VIPR1: variants seen among roughly 807,000 people sequenced by gnomAD.
The protein encoded by VIPR1 is vasoactive intestinal peptide receptor 1.
A neutral mutation model predicts 58.8 loss-of-function variants in VIPR1; 59 were observed. The ratio of observed to expected loss-of-function variants is 1.00; its 90% confidence interval spans 0.81 to 1.25. The LOEUF is 1.25. VIPR1 is among the 50% of genes most tolerant of loss of function. VIPR1 has a pLI of 0.00. For synonymous variants in VIPR1, 251 were observed against 242.1 expected (o/e 1.04, Z -0.34); for missense variants, 626 against 602.7 (o/e 1.04, Z -0.40).
At chr3:42,531,113 C>T in intron 7 of VIPR1, 181 bp downstream of exon 7, 1 of 806,816 alleles carries the variant, frequency 1.2e-6, no homozygotes, top group Non-Finnish European at 1.9e-6. Flanking sequence ...CAGGACAAGT[C>T]CCTCAGGTTG....
Position 42,519,262 on chromosome 3 carries a change from C to T in VIPR1, c.224C>T (p.Ala75Val), listed in dbSNP as rs749480126. The part of the protein sequence containing the change: ...KMWDNLTCWP[A>V]TPRGQVVVLA... Reference sequence around the variant, plus strand: ...TGGGACAACCTCACCTGCTGGCCAGCCACCCCTCGGGGCCAGGTAGTTGTC... The same window carrying T: ...TGGGACAACCTCACCTGCTGGCCAGTCACCCCTCGGGGCCAGGTAGTTGTC... The change falls in exon 3 of 13, where the codon GCC (alanine) becomes GTC (valine). Residue 75 changes from alanine (A) to valine (V), a missense_variant. Ala to Val is a moderately conservative substitution (Grantham distance 64). Transcript: ENST00000325123. The T allele has an allele frequency of 1.2e-6, 2 of 1,610,654 alleles. No individual in the cohort carries two copies. Among genetic ancestry groups the T allele is most frequent in the Admixed American group, 3.4e-5 (2 of 59,540 alleles).
chr3:42,536,720 G>C lies in VIPR1; in HGVS notation c.*439G>C, dbSNP rs887692390. On this transcript the variant is annotated 3_prime_UTR_variant, in exon 13 of 13. Transcript: ENST00000325123. ...GGAAGGTCACCAGCACCAACACCAC[G>C]GTAGTGCCTGAAATTTCACCATTGC... The C allele has an allele frequency of 6.2e-6, 1 of 161,722 alleles. No homozygotes were observed. The highest frequency in any genetic ancestry group is 6.4e-5 in the Admixed American group (1 of 15,526). The allele number at this position is 161,722 out of a possible 1,614,324, so 10.0% of individuals were successfully genotyped here. A position where few individuals can be genotyped will look rare whatever the true frequency, so the allele number is the denominator to read the frequency against.
chr3:42,533,031 T>A (rs1480998698), intron 10 of VIPR1: 1 of 152,356 alleles, frequency 6.6e-6, no homozygotes, highest in Non-Finnish European at 1.5e-5. Context: ...AAGAGGCAGG[T>A]TTTTTTGCGG....
intron 1 of VIPR1, among the ~76,000 whole-genome samples, chr3:42,493,542 A>G (rs996246872): frequency 7.2e-5 from 11 of 152,078 alleles, no homozygotes. Flanking sequence ...CAGAGGAGGG[A>G]TTAGAGCTGG....
At chr3:42,527,798 C>T in intron 5 of VIPR1, 193 bp from the exon 6 acceptor site, 1 of 806,230 alleles carries the variant, frequency 1.2e-6, no homozygotes, top group Non-Finnish European at 1.9e-6. Flanking sequence ...CCCTTGGGAG[C>T]CCAGTTGCAC....
At chr3:42,527,626 C>T in intron 5 of VIPR1, 130 bp downstream of exon 5, 1 of 839,016 alleles carries the variant, frequency 1.2e-6, no homozygotes, top group East Asian at 2.7e-5. Flanking sequence ...TACTCCCCAG[C>T]TCCTGCCAGG....
At chr3:42,526,060 T>C in intron 4 of VIPR1, 67 bp downstream of exon 4, 2 of 1,433,710 alleles carry the variant, frequency 1.4e-6, no homozygotes, top group Non-Finnish European at 1.9e-6. Context: ...CTTTGATCTC[T>C]CCCACCGAGG....
rs562651868 is a variant in VIPR1, at chr3:42,491,288, A to C, written c.-245+1610A>C. ...ACAAGGCAAGGAATGAAAATTAAAT[A>C]ATGATTGGATATTGAATGCTATTAA... is the stretch of plus-strand genomic sequence containing the variant. On this transcript the variant is annotated intron_variant, in intron 1 of 13. Coordinates refer to the VIPR1 transcript ENST00000433647. Among the ~76,000 whole-genome samples, 28 of 152,370 alleles carry C rather than the reference A, an allele frequency of 1.8e-4. No individual in the cohort carries two copies. In the South Asian group the frequency reaches 2.1e-3, roughly 11 times the overall value.
intron 3 of VIPR1, among the ~76,000 whole-genome samples, chr3:42,522,555 A>G (rs1006831232): frequency 7.9e-5 from 12 of 152,142 alleles, no homozygotes; most frequent in African/African-American, 1.9e-4. Context: ...TCATGATGCT[A>G]TAAATAAGAA....
intron 10 of VIPR1, 30 bp downstream of exon 10, chr3:42,532,363 A>G (rs764357358): frequency 6.3e-7 from 1 of 1,596,478 alleles, no homozygotes; most frequent in Non-Finnish European, 8.6e-7. Context: ...CTCAGCCCCC[A>G]GTACCTCCAT....
intron 11 of VIPR1, 61 bp from the exon 12 acceptor site, chr3:42,535,282 G>C: frequency 6.2e-7 from 1 of 1,604,530 alleles, no homozygotes; most frequent in Non-Finnish European, 8.5e-7. Flanking sequence ...AGCCAGGGGT[G>C]GGGCAGGGCT....
At chr3:42,525,055 G>A (rs979924462) in intron 3 of VIPR1, among the ~76,000 whole-genome samples, 15 of 152,152 alleles carry the variant, frequency 9.9e-5, no homozygotes, top group African/African-American at 3.6e-4. Flanking sequence ...TGGTGGTGGT[G>A]GTGATGAACG....
At chr3:42,504,379 C>A (rs972678461) in intron 1 of VIPR1, among the ~76,000 whole-genome samples, 3 of 152,120 alleles carry the variant, frequency 2.0e-5, no homozygotes, top group Non-Finnish European at 4.4e-5. Flanking sequence ...TGCCTACCCT[C>A]CCCCTGTCTT....
intron 6 of VIPR1, chr3:42,530,530 G>A: frequency 4.2e-6 from 2 of 476,778 alleles, no homozygotes; most frequent in Admixed American, 3.4e-5. Context: ...TAGATATATA[G>A]ATGGGAAGGT....
intron 8 of VIPR1, 71 bp downstream of exon 8, chr3:42,531,602 C>T: frequency 6.3e-7 from 1 of 1,577,786 alleles, no homozygotes. Flanking sequence ...GATGATAATG[C>T]CATCTGGCCT....
chr3:42,520,377 G>C (rs1700851755), intron 3 of VIPR1, among the ~76,000 whole-genome samples: 1 of 152,168 alleles, frequency 6.6e-6, no homozygotes, highest in South Asian at 2.1e-4. Context: ...GTCCAATTTA[G>C]ATTTTTAACG....
chr3:42,530,851 G>A lies in VIPR1; in HGVS notation c.709G>A (p.Gly237Ser). The change falls in exon 7 of 13, where the codon GGC becomes AGC. Residue 237 changes from glycine (G) to serine (S), a missense_variant. Transcript: ENST00000325123. ...MANFFWLLVE[G>S]LYLYTLLAVS... ...TAACTTCTTCTGGCTGCTGGTGGAG[G>A]GCCTCTACCTGTACACCCTGCTTGC... 1 of 1,614,070 alleles carries A rather than the reference G, an allele frequency of 6.2e-7. No individual in the cohort carries two copies. Among genetic ancestry groups the A allele is most frequent in the Non-Finnish European group, 8.5e-7 (1 of 1,179,964 alleles).
intron 2 of VIPR1, among the ~76,000 whole-genome samples, chr3:42,514,875 A>T (rs1050836356): frequency 2.8e-4 from 43 of 152,210 alleles, no homozygotes; most frequent in African/African-American, 1.0e-3. Flanking sequence ...AATGGATGGA[A>T]TTCTTTGGTA....
chr3:42,519,039 G>T (rs111441892), intron 2 of VIPR1, among the ~76,000 whole-genome samples, 184 bp from the exon 3 acceptor site: 1 of 152,226 alleles, frequency 6.6e-6, no homozygotes, highest in African/African-American at 2.4e-5. Flanking sequence ...CCTCCTTCCT[G>T]CCTCCCTGTC....
Sources: gnomAD v4.1 joint callset for allele counts (sites outside exome capture counted in the v4.1 genomes callset) on GRCh38, gnomAD v4.1.1 for gene constraint, MANE v1.5 for transcripts, NCBI Gene and HGNC (gene_info 2026-07-23, HGNC 2026-07-21) for gene names.